RGS6: variants seen among roughly 807,000 people sequenced by gnomAD.
The protein encoded by RGS6 is regulator of G-protein signaling 6.
Under a neutral mutation model 78.5 loss-of-function variants are expected in RGS6, and 30 were observed. The ratio of observed to expected loss-of-function variants is 0.38; its 90% CI spans 0.29 to 0.52. RGS6 has a LOEUF of 0.52. Among genes scored for constraint, RGS6 ranks in the 20% least tolerant of loss-of-function variants. The probability of loss-of-function intolerance (pLI) is 0.85; values close to 1 mark genes in which losing one functional copy is unlikely to be tolerated. For synonymous variants in RGS6, 206 were observed against 206.0 expected (o/e 1.00, Z 0.00); for missense variants, 495 against 609.7 (o/e 0.81, Z 1.98).
At chr14:72,262,318 G>A (rs922510489) in intron 2 of RGS6, among the ~76,000 whole-genome samples, 25 of 152,204 alleles carry the variant, frequency 1.6e-4, no homozygotes, top group African/African-American at 6.0e-4. Context: ...CAGTTCTGGA[G>A]GCTGGAAAGT....
chr14:71,942,766 A>C (rs752702379), intron 1 of RGS6, among the ~76,000 whole-genome samples: 6 of 152,090 alleles, frequency 3.9e-5, no homozygotes, highest in Non-Finnish European at 5.9e-5. Context: ...TTTTCCTTCT[A>C]CTTAGGTGTT....
intron 3 of RGS6, among the ~76,000 whole-genome samples, chr14:72,434,527 G>A (rs746362078): frequency 7.2e-5 from 11 of 152,178 alleles, no homozygotes; most frequent in Admixed American, 1.3e-4. Context: ...TCACAATTCC[G>A]GTGGCCTGGA....
At chr14:71,898,585 G>T in the RGS6 span, among the ~76,000 whole-genome samples, 1 of 152,054 alleles carries the variant, frequency 6.6e-6, no homozygotes, top group East Asian at 1.9e-4. Context: ...GTGCTATGGT[G>T]GTTTGCTGCA....
intron 16 of RGS6, among the ~76,000 whole-genome samples, 198 bp downstream of exon 16, chr14:72,536,473 G>T (rs1167554695): frequency 2.0e-5 from 3 of 152,212 alleles, no homozygotes; most frequent in Non-Finnish European, 2.9e-5. Context: ...GTCCAGGATG[G>T]GGCATCCTAC....
chr14:72,540,214 G>GC, intron 17 of RGS6, 120 bp downstream of exon 17: 1 of 1,502,632 alleles, frequency 6.7e-7, no homozygotes, highest in Non-Finnish European at 8.9e-7. Flanking sequence ...GGAGTCCAGT[G>GC]CTTTCTCCCT....
At chr14:72,020,739 A>G (rs574856221) in intron 2 of RGS6, among the ~76,000 whole-genome samples, 1 of 152,240 alleles carries the variant, frequency 6.6e-6, no homozygotes, top group Non-Finnish European at 1.5e-5. Flanking sequence ...ACTGTGTGCC[A>G]GGCACTGCTT....
chr14:72,171,301 T>G (rs2097014152), intron 2 of RGS6, among the ~76,000 whole-genome samples: 1 of 152,166 alleles, frequency 6.6e-6, no homozygotes, highest in African/African-American at 2.4e-5. Flanking sequence ...CTTCTTTTTT[T>G]CAGCCAGTCA....
rs138007755 is a variant in RGS6, at chr14:72,129,056, G to A, written c.84+164181G>A. Among the ~76,000 whole-genome samples, 489 of 152,148 alleles carry A rather than the reference G, an allele frequency of 3.2e-3. 2 individuals carry two copies. The highest frequency in any genetic ancestry group is 4.5e-3 in the African/African-American group (187 of 41,506). On this transcript the variant is annotated intron_variant, in intron 2 of 17. Coordinates refer to ENST00000553525, the MANE Select transcript of RGS6 (RefSeq NM_001204424.2). ...TTTTTGCTTTAAACTCCTATCGATCGTTTAGAAATCTTATTAGCTTGCTTT... is the reference window on the plus strand; with the variant it reads ...TTTTTGCTTTAAACTCCTATCGATCATTTAGAAATCTTATTAGCTTGCTTT...
chr14:72,467,864 C>G (rs2095964118), intron 7 of RGS6, among the ~76,000 whole-genome samples: 1 of 152,146 alleles, frequency 6.6e-6, no homozygotes, highest in East Asian at 1.9e-4. Context: ...CTGTTGTACT[C>G]TTTGTGCGCC....
At chr14:72,482,415 C>T (rs1267822200) in intron 12 of RGS6, among the ~76,000 whole-genome samples, 1 of 152,172 alleles carries the variant, frequency 6.6e-6, no homozygotes, top group Non-Finnish European at 1.5e-5. Context: ...TGTAGCATAC[C>T]ATGTGTATCA....
chr14:72,329,652 G>A (rs116346139), intron 2 of RGS6, among the ~76,000 whole-genome samples: 113 of 152,350 alleles, frequency 7.4e-4, no homozygotes, highest in African/African-American at 2.7e-3. Flanking sequence ...GCCTGGTAAA[G>A]GTTCATTTAA....
chr14:72,434,023 A>G (rs1004666808), intron 3 of RGS6, among the ~76,000 whole-genome samples: 1 of 152,210 alleles, frequency 6.6e-6, no homozygotes, highest in Non-Finnish European at 1.5e-5. Context: ...TACCTAGCAA[A>G]TTCCAACGTG....
chr14:72,423,763 C>T (rs1360361752), intron 3 of RGS6, among the ~76,000 whole-genome samples: 1 of 152,158 alleles, frequency 6.6e-6, no homozygotes, highest in Non-Finnish European at 1.5e-5. Flanking sequence ...TCTATCAAAC[C>T]TCAGCGACAT....
chr14:71,944,999 A>G (rs1051421306), intron 1 of RGS6, among the ~76,000 whole-genome samples: 3 of 152,210 alleles, frequency 2.0e-5, no homozygotes, highest in Admixed American at 6.5e-5. Flanking sequence ...TACAGTAACA[A>G]TATGGTGTTA....
chr14:72,245,997 C>A (rs1390665404), intron 2 of RGS6, among the ~76,000 whole-genome samples: 1 of 152,204 alleles, frequency 6.6e-6, no homozygotes, highest in Non-Finnish European at 1.5e-5. Flanking sequence ...ATCAGACAAT[C>A]TTTGCTATAC....
At chr14:72,132,357 A>G (rs1349887427) in intron 2 of RGS6, among the ~76,000 whole-genome samples, 1 of 150,134 alleles carries the variant, frequency 6.7e-6, no homozygotes, top group Non-Finnish European at 1.5e-5. Context: ...GCTCACTGAA[A>G]CCTCCACCTC....
chr14:72,070,714 G>A (rs2094377471), intron 2 of RGS6, among the ~76,000 whole-genome samples: 2 of 152,174 alleles, frequency 1.3e-5, no homozygotes, highest in Admixed American at 1.3e-4. Flanking sequence ...AGCACTGGAT[G>A]GATTTCAGCA....
At chr14:72,496,945 T>C (rs1445419664) in intron 13 of RGS6, among the ~76,000 whole-genome samples, 2 of 152,222 alleles carry the variant, frequency 1.3e-5, no homozygotes, top group Non-Finnish European at 2.9e-5. Flanking sequence ...CTCTTTTTAA[T>C]AGCTACATAC....
At chr14:72,321,374 TAAAAGTGGGCTAAACTCCCATATTAAAAA>T (rs1157074705) in intron 2 of RGS6, among the ~76,000 whole-genome samples, 3 of 151,512 alleles carry the variant, frequency 2.0e-5, no homozygotes, top group Non-Finnish European at 4.4e-5. Flanking sequence ...TATCAACAAA[TAAAAGTGGGCTAAACTCCCATATTAAAAA>T]AAAAGATTCT....
Sources: gnomAD v4.1 joint callset for allele counts (sites outside exome capture counted in the v4.1 genomes callset) on GRCh38, gnomAD v4.1.1 for gene constraint, MANE v1.5 for transcripts, NCBI Gene and HGNC (gene_info 2026-07-23, HGNC 2026-07-21) for gene names.